CDK6: variants seen among roughly 807,000 people sequenced by gnomAD.
CDK6 encodes the protein cyclin-dependent kinase 6.
In CDK6, 6 loss-of-function variants were observed where a neutral mutation model predicts 37.1. The observed-to-expected ratio is 0.16, with a 90% CI of 0.09 to 0.32. CDK6 has a LOEUF of 0.32. Ranked by LOEUF, CDK6 falls within the 10% of genes least tolerant of loss-of-function variation. The pLI, the probability that CDK6 is intolerant of heterozygous loss-of-function variation, is 1.00. For synonymous variants in CDK6, 160 were observed against 161.3 expected (o/e 0.99, Z 0.06); for missense variants, 224 against 418.9 (o/e 0.53, Z 4.06).
In CDK6 at chr7:92,833,633, A is replaced by T; in HGVS notation, c.-310T>A. 1.9e-6 allele frequency: 1 copy of T among 518,206 alleles called. No individual in the cohort carries two copies. The highest frequency in any genetic ancestry group is 3.3e-6 in the Non-Finnish European group (1 of 298,542). The allele number at this position is 518,206 out of a possible 1,614,324, so 32.1% of individuals were successfully genotyped here. On this transcript the variant is annotated 5_prime_UTR_variant, in exon 2 of 8. In the 5' UTR this introduces an upstream ATG that the reference lacks. Coordinates refer to ENST00000424848, the MANE Select transcript of CDK6 (RefSeq NM_001145306.2). This position sits in a 1 kb window ranked among gnomAD's most constrained non-coding sequence, Gnocchi z 6.1. ...TTCCCTCCTCGAAGCGAAGTCCTCA[A>T]CACAGACACGATTACATAGCCTCTG...
intron 3 of CDK6, among the ~76,000 whole-genome samples, chr7:92,731,657 G>A (rs1798653556): frequency 6.6e-6 from 1 of 151,922 alleles, no homozygotes. Context: ...AATCAAATAT[G>A]TATTCTGAAA....
chr7:92,823,737 A>T (rs1272822994), intron 2 of CDK6, among the ~76,000 whole-genome samples: 1 of 152,082 alleles, frequency 6.6e-6, no homozygotes, highest in Non-Finnish European at 1.5e-5. Flanking sequence ...GGGTTCTTCT[A>T]AAAAGTTTTA....
chr7:92,689,354 T>A (rs1361665566), intron 4 of CDK6, among the ~76,000 whole-genome samples: 1 of 152,206 alleles, frequency 6.6e-6, no homozygotes, highest in African/African-American at 2.4e-5. Context: ...AGTATTTGGT[T>A]TTCTGTTCCT....
intron 3 of CDK6, among the ~76,000 whole-genome samples, chr7:92,727,103 A>G (rs1373639656): frequency 6.6e-6 from 1 of 152,240 alleles, no homozygotes; most frequent in African/African-American, 2.4e-5. Flanking sequence ...GTAGGAACTA[A>G]GACATTGGCC....
chr7:92,632,930 GATCT>G (rs1239327201), intron 5 of CDK6, among the ~76,000 whole-genome samples: 3 of 131,382 alleles, frequency 2.3e-5, no homozygotes, highest in African/African-American at 8.3e-5. Flanking sequence ...TATCTCTAAA[GATCT>G]TTTTTTTTTT....
At chr7:92,736,890 T>C (rs1192081503) in intron 3 of CDK6, among the ~76,000 whole-genome samples, 1 of 152,148 alleles carries the variant, frequency 6.6e-6, no homozygotes, top group East Asian at 1.9e-4. Flanking sequence ...GGAAAAGCAA[T>C]TCAAGAGACA....
At chr7:92,797,593 C>T (rs1800447392) in intron 2 of CDK6, among the ~76,000 whole-genome samples, 1 of 152,080 alleles carries the variant, frequency 6.6e-6, no homozygotes, top group African/African-American at 2.4e-5. Context: ...CTTAAAAAGG[C>T]CCTGGCCCTC....
At chr7:92,658,116 C>T (rs994076032) in intron 5 of CDK6, among the ~76,000 whole-genome samples, 6 of 152,166 alleles carry the variant, frequency 3.9e-5, no homozygotes, top group African/African-American at 1.2e-4. Flanking sequence ...CTTTCTTCAT[C>T]TTTGAGAATC....
intron 2 of CDK6, among the ~76,000 whole-genome samples, chr7:92,818,960 ATACAC>A (rs1423626962): frequency 6.6e-6 from 1 of 152,090 alleles, no homozygotes; most frequent in Non-Finnish European, 1.5e-5. Context: ...TGGAACCTTT[ATACAC>A]TAGCACTGGA....
intron 2 of CDK6, among the ~76,000 whole-genome samples, chr7:92,802,803 A>C (rs959956725): frequency 3.3e-5 from 5 of 152,206 alleles, no homozygotes; most frequent in African/African-American, 1.2e-4. Context: ...CTGAGGCTGG[A>C]TAACACTGTT....
intron 5 of CDK6, among the ~76,000 whole-genome samples, chr7:92,631,043 A>G (rs1796039066): frequency 6.6e-6 from 1 of 152,068 alleles, no homozygotes. Context: ...CACATAATAA[A>G]CTTATTCTGT....
At chr7:92,663,109 C>G (rs141294737) in intron 5 of CDK6, among the ~76,000 whole-genome samples, 10 of 152,064 alleles carry the variant, frequency 6.6e-5, no homozygotes, top group African/African-American at 2.4e-4. Flanking sequence ...AAGTAATAAA[C>G]CAGCAGTTGT....
In CDK6 at chr7:92,610,506, G is replaced by A. The variant is rs1275889445; in HGVS notation, c.*4634C>T. The A allele has an allele frequency of 8.7e-6, 2 of 230,348 alleles. No homozygotes were observed. Among genetic ancestry groups the A allele is most frequent in the Admixed American group, 5.7e-5 (1 of 17,680 alleles). The allele number at this position is 230,348 out of a possible 1,614,324, so 14.3% of individuals were successfully genotyped here. On this transcript the variant is annotated 3_prime_UTR_variant, in exon 8 of 8. Coordinates refer to ENST00000424848, the MANE Select transcript of CDK6 (RefSeq NM_001145306.2). Reference sequence around the variant, plus strand: ...TGTTGCTTACAAAGGTCAGAAGATAGAGAGACCAAAGGATTATTTTTGGTT... The same window carrying A: ...TGTTGCTTACAAAGGTCAGAAGATAAAGAGACCAAAGGATTATTTTTGGTT...
intron 2 of CDK6, among the ~76,000 whole-genome samples, chr7:92,792,656 C>T (rs890040967): frequency 2.0e-5 from 3 of 151,778 alleles, no homozygotes; most frequent in African/African-American, 4.8e-5. Context: ...ATGAGTTTCA[C>T]GTTTTGGTTT....
At chr7:92,747,766 C>T (rs1799094813) in intron 3 of CDK6, among the ~76,000 whole-genome samples, 1 of 152,176 alleles carries the variant, frequency 6.6e-6, no homozygotes, top group African/African-American at 2.4e-5. Context: ...CTCATTCTCC[C>T]TTTCTAGATT....
At chr7:92,675,194 A>G (rs1437484961) in intron 4 of CDK6, among the ~76,000 whole-genome samples, 2 of 152,216 alleles carry the variant, frequency 1.3e-5, no homozygotes, top group Admixed American at 6.5e-5. Flanking sequence ...GACTGTCTTC[A>G]TTTTCAATAC....
At chr7:92,688,466 G>A (rs926021883) in intron 4 of CDK6, among the ~76,000 whole-genome samples, 1 of 151,998 alleles carries the variant, frequency 6.6e-6, no homozygotes, top group African/African-American at 2.4e-5. Context: ...CAAGACAACT[G>A]TAAAATATTA....
At chr7:92,672,190 T>C (rs4015296) in intron 4 of CDK6, among the ~76,000 whole-genome samples, 22,040 of 63,168 alleles carry the variant, frequency 0.35, 3,888 homozygotes, top group Middle Eastern at 0.42. Flanking sequence ...CACAGACACA[T>C]ACACACACAC....
chr7:92,618,346 A>G, intron 6 of CDK6, 139 bp from the exon 7 acceptor site: 1 of 746,072 alleles, frequency 1.3e-6, no homozygotes. Flanking sequence ...TATCACTGGC[A>G]GGGTCTCTGT....
Sources: allele counts gnomAD v4.1 joint callset (sites outside exome capture counted in the v4.1 genomes callset), GRCh38; gene constraint gnomAD v4.1.1; non-coding constraint Gnocchi (gnomAD v3.1); transcripts MANE v1.5; gene names NCBI Gene and HGNC (gene_info 2026-07-23, HGNC 2026-07-21).